ARFGEF2: variants seen among roughly 807,000 people sequenced by gnomAD.
ARFGEF2 encodes brefeldin A-inhibited guanine nucleotide-exchange protein 2.
A neutral mutation model predicts 219.9 loss-of-function variants in ARFGEF2; 74 were observed. That is an observed-to-expected ratio of 0.34 (90% CI 0.28 to 0.41). The LOEUF (loss-of-function observed/expected upper bound fraction) is 0.41. ARFGEF2 is among the 10% of genes least tolerant of loss of function. ARFGEF2 has a pLI of 1.00. For missense variants in ARFGEF2, 1,743 were observed against 2,218.3 expected (o/e 0.79, Z 4.30); for synonymous variants, 733 against 799.2 (o/e 0.92, Z 1.40).
rs181547529 is a variant in ARFGEF2, at chr20:49,021,122, C to T, written c.4625-1929C>T. Among the ~76,000 whole-genome samples, 189 of 152,060 alleles carry T rather than the reference C, an allele frequency of 1.2e-3. 3 individuals carry two copies. The highest frequency in any genetic ancestry group is 4.4e-3 in the African/African-American group (183 of 41,492). ...CGTGTTTTTATAATTTCATAACTGG[C>T]GAGGTGCAGTGGCTCACACCTGTAA... is the stretch of plus-strand genomic sequence containing the variant. On this transcript the variant is annotated intron_variant, in intron 34 of 38. Transcript: ENST00000371917.
At chr20:48,992,558 C>T (rs1197848007) in intron 21 of ARFGEF2, among the ~76,000 whole-genome samples, 4 of 152,060 alleles carry the variant, frequency 2.6e-5, no homozygotes, top group East Asian at 1.9e-4. Context: ...ACTTAGTCAC[C>T]GAGTCCCACC....
intron 3 of ARFGEF2, among the ~76,000 whole-genome samples, chr20:48,947,512 T>G (rs2091035702): frequency 2.0e-5 from 3 of 152,148 alleles, no homozygotes; most frequent in Admixed American, 2.0e-4. Flanking sequence ...GAGCTCAACA[T>G]AGGGAGACCT....
In ARFGEF2 at chr20:48,985,398, T is replaced by C. The variant is rs886056754; in HGVS notation, c.2071-10T>C. 6.2e-7 allele frequency: 1 copy of C among 1,614,126 alleles called. No individual in the cohort carries two copies. On this transcript the variant is annotated splice_polypyrimidine_tract_variant and intron_variant, in intron 15 of 38. Transcript: ENST00000371917. ...CAATTTCTGGATATAAGTGAGTGTG[T>C]ATGTTTCAGACCCAAGTAGGCGATT...
chr20:48,964,134 C>T (rs545460458), intron 7 of ARFGEF2, among the ~76,000 whole-genome samples: 2 of 152,258 alleles, frequency 1.3e-5, no homozygotes, highest in African/African-American at 2.4e-5. Flanking sequence ...CTGGGCCAGG[C>T]GCGGTGGCTC....
intron 28 of ARFGEF2, 87 bp from the exon 29 acceptor site, chr20:49,013,477 G>T (rs1304943066): frequency 6.4e-7 from 1 of 1,556,182 alleles, no homozygotes; most frequent in Non-Finnish European, 8.8e-7. Flanking sequence ...AGAAAAATGT[G>T]TGGGGCCTTA....
In ARFGEF2 at chr20:49,032,045, C is replaced by G. The variant is rs797045259; in HGVS notation, c.5064-4C>G. ...ATATGCCTCCCCCTCTCTAATTCTT[C>G]TAGTGTTTGCAGTGAAGCTCTTGCC... On this transcript the variant is annotated splice_region_variant and splice_polypyrimidine_tract_variant and intron_variant, in intron 37 of 38. Coordinates refer to ENST00000371917, the MANE Select transcript of ARFGEF2 (RefSeq NM_006420.3). The G allele has an allele frequency of 6.2e-7, 1 of 1,606,114 alleles. No homozygotes were observed. Among genetic ancestry groups the G allele is most frequent in the Admixed American group, 1.7e-5 (1 of 60,014 alleles).
chr20:48,958,500 A>G (rs936385718), intron 6 of ARFGEF2, among the ~76,000 whole-genome samples: 1 of 151,338 alleles, frequency 6.6e-6, no homozygotes, highest in Admixed American at 6.6e-5. Context: ...GCAGTGGCAC[A>G]ATCTCGGCTC....
At chr20:48,935,095 C>CTCTTTCTT (rs2090938644) in intron 1 of ARFGEF2, among the ~76,000 whole-genome samples, 1 of 150,924 alleles carries the variant, frequency 6.6e-6, no homozygotes, top group East Asian at 2.0e-4. Flanking sequence ...TTGCATTTCT[C>CTCTTTCTT]TCTTTTTTTC....
chr20:48,938,117 A>C (rs2090971085), intron 1 of ARFGEF2, among the ~76,000 whole-genome samples: 1 of 152,184 alleles, frequency 6.6e-6, no homozygotes, highest in African/African-American at 2.4e-5. Context: ...GTACTTAATA[A>C]CTTGTAACCT....
At chr20:48,977,309 A>G (rs956071528) in intron 14 of ARFGEF2, among the ~76,000 whole-genome samples, 2 of 152,076 alleles carry the variant, frequency 1.3e-5, no homozygotes, top group African/African-American at 2.4e-5. Flanking sequence ...ACATGAACTC[A>G]TCCTTTCTTA....
intron 37 of ARFGEF2, among the ~76,000 whole-genome samples, chr20:49,031,815 C>T (rs941664067): frequency 6.6e-6 from 1 of 151,534 alleles, no homozygotes; most frequent in African/African-American, 2.4e-5. Context: ...GCTTCAGAGG[C>T]AGAGGTGGGA....
intron 12 of ARFGEF2, 27 bp from the exon 13 acceptor site, chr20:48,974,739 T>C (rs564598220): frequency 6.5e-5 from 103 of 1,585,008 alleles, no homozygotes; most frequent in Non-Finnish European, 8.4e-5. Flanking sequence ...CTGTTAAGTC[T>C]CTTTCCTGTG....
intron 37 of ARFGEF2, among the ~76,000 whole-genome samples, 180 bp from the exon 38 acceptor site, chr20:49,031,869 G>A (rs1410978453): frequency 1.3e-5 from 2 of 151,074 alleles, no homozygotes; most frequent in African/African-American, 2.4e-5. Flanking sequence ...AGTGAACCTT[G>A]ATCACACCAC....
rs771323104 is a variant in ARFGEF2, at chr20:48,974,777, G to C, written c.1677G>C (p.Leu559=). 2 of 1,613,278 alleles carry C rather than the reference G, an allele frequency of 1.2e-6. No individual in the cohort carries two copies. Among genetic ancestry groups the C allele is most frequent in the Non-Finnish European group, 1.7e-6 (2 of 1,179,658 alleles). ...ACTTCGTCCCTTAGGAGCTCAGCCTGAGGAAGAAAGGCCTGGAGTGCCTCG... is the reference window on the plus strand; with the variant it reads ...ACTTCGTCCCTTAGGAGCTCAGCCTCAGGAAGAAAGGCCTGGAGTGCCTCG... ...LGMTPLQELS[L]RKKGLECLVS... Residue 559 remains leucine, a synonymous_variant, in exon 13 of 39, where the codon CTG becomes CTC. Transcript: ENST00000371917.
chr20:48,962,422 T>C (rs370164352), intron 6 of ARFGEF2, among the ~76,000 whole-genome samples: 2 of 152,160 alleles, frequency 1.3e-5, no homozygotes, highest in East Asian at 3.8e-4. Flanking sequence ...TGGACCACTA[T>C]TGTATATGTG....
At chr20:49,005,945 C>G (rs7272109) in intron 26 of ARFGEF2, among the ~76,000 whole-genome samples, 9,793 of 151,884 alleles carry the variant, frequency 0.064, 1,014 homozygotes, top group African/African-American at 0.22. Flanking sequence ...TTTATTCACT[C>G]GGCCTGGACT....
intron 6 of ARFGEF2, among the ~76,000 whole-genome samples, chr20:48,959,571 C>CTCCT (rs1482159920): frequency 3.3e-4 from 25 of 75,692 alleles, no homozygotes; most frequent in African/African-American, 1.4e-3. Flanking sequence ...CCCTCCCTCC[C>CTCCT]TCCTTCCTTC....
intron 25 of ARFGEF2, chr20:48,999,315 G>A (rs2091410487): frequency 2.3e-6 from 1 of 427,844 alleles, no homozygotes; most frequent in South Asian, 1.7e-5. Flanking sequence ...GACAACTGTT[G>A]GGAATAAACC....
intron 38 of ARFGEF2, among the ~76,000 whole-genome samples, chr20:49,032,793 G>C (rs935090305): frequency 2.0e-5 from 3 of 151,942 alleles, no homozygotes; most frequent in Non-Finnish European, 2.9e-5. Flanking sequence ...GGGTTTCACC[G>C]TGTTGCCTAG....
Sources: allele counts gnomAD v4.1 joint callset (sites outside exome capture counted in the v4.1 genomes callset), GRCh38; gene constraint gnomAD v4.1.1; transcripts MANE v1.5; gene names NCBI Gene and HGNC (gene_info 2026-07-23, HGNC 2026-07-21).